Variants in KRABD5 observed in about 807,000 individuals in gnomAD.
KRABD5 encodes the protein KRAB domain-containing protein 5.
At chr16:31,717,899 C>G in the KRABD5 span, among the ~76,000 whole-genome samples, 1 of 152,188 alleles carries the variant, frequency 6.6e-6, no homozygotes, top group East Asian at 1.9e-4. Context: ...TGTTTGGAAT[C>G]TTTAATCCCT....
chr16:31,752,864 A>G, the KRABD5 span, among the ~76,000 whole-genome samples: 4 of 152,238 alleles, frequency 2.6e-5, no homozygotes, highest in African/African-American at 7.2e-5. Flanking sequence ...TCTATAAGAC[A>G]AAGATAGATA....
the KRABD5 span, among the ~76,000 whole-genome samples, chr16:31,732,506 A>G: frequency 6.6e-6 from 1 of 152,222 alleles, no homozygotes; most frequent in Non-Finnish European, 1.5e-5. Context: ...GTTTACTGCA[A>G]GCAAAAAAGA....
chr16:31,745,289 A>G, the KRABD5 span, among the ~76,000 whole-genome samples: 1 of 152,006 alleles, frequency 6.6e-6, no homozygotes, highest in Non-Finnish European at 1.5e-5. Context: ...ACACTGCTTT[A>G]CCTGCATCCC....
At chr16:31,730,680 A>C in the KRABD5 span, among the ~76,000 whole-genome samples, 1 of 151,964 alleles carries the variant, frequency 6.6e-6, no homozygotes, top group East Asian at 1.9e-4. Context: ...TAAAATATGT[A>C]TATTTGTTCA....
the KRABD5 span, chr16:31,755,275 A>G: frequency 2.0e-6 from 1 of 500,592 alleles, no homozygotes; most frequent in Non-Finnish European, 4.1e-6. Context: ...TCCACCAGAG[A>G]ATTCATACTG....
the KRABD5 span, among the ~76,000 whole-genome samples, chr16:31,717,512 G>T: frequency 5.7e-4 from 87 of 152,234 alleles, no homozygotes; most frequent in African/African-American, 2.1e-3. Flanking sequence ...AACCACAGAT[G>T]GCCTCCCAAT....
the KRABD5 span, among the ~76,000 whole-genome samples, chr16:31,745,177 G>A: frequency 6.6e-6 from 1 of 152,012 alleles, no homozygotes. Context: ...GGATTAGTTT[G>A]CTCTTGCCTC....
the KRABD5 span, among the ~76,000 whole-genome samples, chr16:31,718,883 A>T: frequency 1.3e-5 from 2 of 152,186 alleles, no homozygotes; most frequent in Admixed American, 1.3e-4. Flanking sequence ...GGTCAGGCTG[A>T]CAACAGGGTC....
At chr16:31,749,921 A>AT in the KRABD5 span, among the ~76,000 whole-genome samples, 1 of 152,300 alleles carries the variant, frequency 6.6e-6, no homozygotes, top group East Asian at 1.9e-4. Context: ...TGCCAGTACC[A>AT]TGCTGTTTTG....
the KRABD5 span, among the ~76,000 whole-genome samples, chr16:31,745,945 G>C: frequency 1.1e-4 from 17 of 151,624 alleles, no homozygotes; most frequent in Non-Finnish European, 2.4e-4. Context: ...TGCAACCCCT[G>C]CTTTTTTTTT....
chr16:31,753,882 A>C, the KRABD5 span: 10 of 1,551,232 alleles, frequency 6.4e-6, no homozygotes, highest in South Asian at 8.3e-5. Flanking sequence ...AAACTTAAGG[A>C]AAGAGTGGGA....
chr16:31,738,398 T>C, the KRABD5 span, among the ~76,000 whole-genome samples: 1 of 152,180 alleles, frequency 6.6e-6, no homozygotes, highest in African/African-American at 2.4e-5. Flanking sequence ...GGTGCATATA[T>C]GTTAATATTT....
At chr16:31,730,340 A>G in the KRABD5 span, among the ~76,000 whole-genome samples, 8 of 151,310 alleles carry the variant, frequency 5.3e-5, no homozygotes, top group Non-Finnish European at 1.2e-4. Context: ...TTGTTTGTTT[A>G]ATTTTCCTTC....
At chr16:31,724,514 C>T in the KRABD5 span, among the ~76,000 whole-genome samples, 5 of 151,402 alleles carry the variant, frequency 3.3e-5, no homozygotes, top group African/African-American at 9.7e-5. Flanking sequence ...GATGAAACCC[C>T]GTCTCTACTA....
At chr16:31,723,263 G>A in the KRABD5 span, 8 of 1,613,178 alleles carry the variant, frequency 5.0e-6, no homozygotes, top group South Asian at 1.1e-5. Context: ...AACAGGTCTC[G>A]CTGTCTCTAA....
chr16:31,728,244 A>G, the KRABD5 span, among the ~76,000 whole-genome samples: 3 of 152,112 alleles, frequency 2.0e-5, no homozygotes, highest in Admixed American at 6.6e-5. Context: ...GAAAAACTCA[A>G]TTCAGTTTCT....
At chr16:31,755,226 C>G in the KRABD5 span, 2 of 476,136 alleles carry the variant, frequency 4.2e-6, no homozygotes, top group Non-Finnish European at 8.6e-6. Context: ...AAATGTAAAT[C>G]ATGTAGCAAA....
At chr16:31,743,814 G>T in the KRABD5 span, among the ~76,000 whole-genome samples, 1 of 152,088 alleles carries the variant, frequency 6.6e-6, no homozygotes, top group African/African-American at 2.4e-5. Flanking sequence ...GTGGTTTGAA[G>T]TTCTTCTTGA....
the KRABD5 span, among the ~76,000 whole-genome samples, chr16:31,722,436 A>G: frequency 2.0e-5 from 3 of 152,206 alleles, no homozygotes; most frequent in African/African-American, 4.8e-5. Flanking sequence ...TGGATTTTGT[A>G]TCATTCTCTT....
Sources: allele counts gnomAD v4.1 joint callset (sites outside exome capture counted in the v4.1 genomes callset), GRCh38; gene constraint gnomAD v4.1.1; transcripts MANE v1.5; gene names NCBI Gene and HGNC (gene_info 2026-07-23, HGNC 2026-07-21).